Variants in SKIC8 observed in about 807,000 individuals in gnomAD.
SKIC8 encodes the protein superkiller complex protein 8.
At chr15:78,283,597 T>C in the SKIC8 span, 1 of 1,146,216 alleles carries the variant, frequency 8.7e-7, no homozygotes. Flanking sequence ...ATCCTTATTT[T>C]CTCGTTATTC....
At chr15:78,285,368 G>A in the SKIC8 span, 1 of 1,607,610 alleles carries the variant, frequency 6.2e-7, no homozygotes, top group Non-Finnish European at 8.5e-7. Context: ...ATTAGTATCG[G>A]TTTGAAGTTG....
chr15:78,294,085 G>T, the SKIC8 span, among the ~76,000 whole-genome samples: 1 of 152,184 alleles, frequency 6.6e-6, no homozygotes, highest in Non-Finnish European at 1.5e-5. Context: ...CACAGACAGC[G>T]TTGTGGCTTC....
chr15:78,296,669 A>G, the SKIC8 span, among the ~76,000 whole-genome samples: 1 of 152,014 alleles, frequency 6.6e-6, no homozygotes, highest in Non-Finnish European at 1.5e-5. Flanking sequence ...ACATGTCTGG[A>G]TATTTTAATT....
the SKIC8 span, chr15:78,296,175 A>G: frequency 0.088 from 13,364 of 152,528 alleles, 614 homozygotes; most frequent in East Asian, 0.13. Flanking sequence ...TAAGGGCAGA[A>G]GCTGGAGGGA....
chr15:78,288,245 A>C, the SKIC8 span: 1 of 1,587,440 alleles, frequency 6.3e-7, no homozygotes, highest in South Asian at 1.1e-5. Context: ...TAAAGGGACA[A>C]GATGGGCATC....
At chr15:78,295,602 A>G in the SKIC8 span, 2 of 1,596,806 alleles carry the variant, frequency 1.3e-6, no homozygotes, top group Non-Finnish European at 1.7e-6. Flanking sequence ...TTGACTACAC[A>G]TCCAGAAAAC....
the SKIC8 span, chr15:78,285,293 A>T: frequency 1.2e-6 from 2 of 1,614,246 alleles, no homozygotes; most frequent in East Asian, 4.5e-5. Flanking sequence ...GTGTGAACAC[A>T]AGTCCTCGTT....
chr15:78,293,403 C>T, the SKIC8 span: 2 of 856,382 alleles, frequency 2.3e-6, no homozygotes, highest in Admixed American at 2.8e-5. Flanking sequence ...CTTTCCTATA[C>T]AGCTTTTATT....
At chr15:78,293,507 C>T in the SKIC8 span, among the ~76,000 whole-genome samples, 1 of 152,210 alleles carries the variant, frequency 6.6e-6, no homozygotes, top group African/African-American at 2.4e-5. Flanking sequence ...GTACTTCGGA[C>T]TCTAAATCCA....
At chr15:78,292,916 T>C in the SKIC8 span, 1 of 1,184,804 alleles carries the variant, frequency 8.4e-7, no homozygotes, top group Non-Finnish European at 1.2e-6. Context: ...GAAGAGTTAA[T>C]GAGCTACAGA....
At chr15:78,293,032 G>T in the SKIC8 span, 1 of 834,198 alleles carries the variant, frequency 1.2e-6, no homozygotes, top group Admixed American at 2.9e-5. Flanking sequence ...AAAATAAGCT[G>T]CTGTTTTATA....
the SKIC8 span, among the ~76,000 whole-genome samples, chr15:78,296,212 C>T: frequency 1.3e-5 from 2 of 151,940 alleles, no homozygotes; most frequent in African/African-American, 4.8e-5. Context: ...TTGAGAACAT[C>T]CTGGCTGACA....
At chr15:78,299,568 A>C in the SKIC8 span, 3 of 152,400 alleles carry the variant, frequency 2.0e-5, no homozygotes, top group Non-Finnish European at 2.9e-5. Flanking sequence ...TCACCACTGC[A>C]CTGCCAGGCT....
chr15:78,292,631 T>C, the SKIC8 span: 4 of 1,614,226 alleles, frequency 2.5e-6, no homozygotes, highest in Non-Finnish European at 3.4e-6. Context: ...CCTGCATCTA[T>C]GGACTTTATC....
chr15:78,285,881 G>C, the SKIC8 span: 1 of 549,466 alleles, frequency 1.8e-6, no homozygotes. Flanking sequence ...TTCCAGCTAA[G>C]GTCAACTAAC....
the SKIC8 span, chr15:78,290,201 A>T: frequency 8.0e-7 from 1 of 1,243,802 alleles, no homozygotes; most frequent in Non-Finnish European, 1.1e-6. Flanking sequence ...AAATCGGAGT[A>T]GCAGTGTCCT....
the SKIC8 span, chr15:78,295,195 C>T: frequency 2.1e-5 from 12 of 580,538 alleles, no homozygotes; most frequent in Middle Eastern, 6.8e-4. Context: ...TTCTCCCCTC[C>T]TTCCTACTAC....
At chr15:78,289,969 G>A in the SKIC8 span, 26 of 1,613,636 alleles carry the variant, frequency 1.6e-5, no homozygotes, top group Non-Finnish European at 2.2e-5. Flanking sequence ...TACTAAGAAT[G>A]AATTTTCCTC....
chr15:78,291,565 A>T, the SKIC8 span, among the ~76,000 whole-genome samples: 1 of 152,214 alleles, frequency 6.6e-6, no homozygotes, highest in Non-Finnish European at 1.5e-5. Context: ...CTGGGCAGGC[A>T]TATTCTTAAA....
Sources: gnomAD v4.1 joint callset for allele counts (sites outside exome capture counted in the v4.1 genomes callset) on GRCh38, gnomAD v4.1.1 for gene constraint, MANE v1.5 for transcripts, NCBI Gene and HGNC (gene_info 2026-07-23, HGNC 2026-07-21) for gene names.